NTM: variants seen among roughly 807,000 people sequenced by gnomAD.
The protein encoded by NTM is neurotrimin, also known as IgLON family member 2.
A neutral mutation model predicts 42.1 loss-of-function variants in NTM; 13 were observed. That is an observed-to-expected ratio of 0.31 (90% CI 0.20 to 0.49). NTM has a LOEUF of 0.49. Among genes scored for constraint, NTM ranks in the 20% least tolerant of loss-of-function variants. The pLI is 0.99. For missense variants in NTM, 373 were observed against 452.8 expected (o/e 0.82, Z 1.60); for synonymous variants, 187 against 179.2 (o/e 1.04, Z -0.35).
intron 1 of NTM, among the ~76,000 whole-genome samples, chr11:131,625,671 A>G (rs889836367): frequency 3.3e-5 from 5 of 152,206 alleles, no homozygotes; most frequent in Non-Finnish European, 5.9e-5. Context: ...CAGCATGCCA[A>G]TAAAGACACA....
chr11:132,054,212 C>T (rs1015881695), intron 2 of NTM, among the ~76,000 whole-genome samples: 2 of 152,144 alleles, frequency 1.3e-5, no homozygotes, highest in Non-Finnish European at 1.5e-5. Context: ...GAGACTGTCT[C>T]AAAGAAAAAC....
At chr11:132,164,559 G>A (rs760091200) in intron 3 of NTM, among the ~76,000 whole-genome samples, 5 of 152,160 alleles carry the variant, frequency 3.3e-5, no homozygotes, top group South Asian at 2.1e-4. Flanking sequence ...ACAAGTTGAC[G>A]TCACCTGTGG....
chr11:131,465,785 G>A (rs1193007688), intron 1 of NTM, among the ~76,000 whole-genome samples: 1 of 149,714 alleles, frequency 6.7e-6, no homozygotes, highest in Non-Finnish European at 1.5e-5. Context: ...CCCAAAGCTC[G>A]GTTCTGCAGG....
In NTM at chr11:131,729,009, G is replaced by C. The variant is rs144944437; in HGVS notation, c.83-182555G>C. Among the ~76,000 whole-genome samples the C allele has an allele frequency of 4.7e-4, 71 of 152,316 alleles. 1 individual carries two copies. The Middle Eastern group carries it at 0.01, about 22-fold the overall frequency. ...ATATGGTATAAGATAATGCATCATA[G>C]GGTTGAGATACAGTGTGTAATGATA... is the stretch of plus-strand genomic sequence containing the variant. On this transcript the variant is annotated intron_variant, in intron 1 of 8. Coordinates refer to ENST00000683400, the MANE Select transcript of NTM (RefSeq NM_001352005.2).
At chr11:132,194,991 T>G (rs1307401437) in intron 3 of NTM, among the ~76,000 whole-genome samples, 2 of 151,898 alleles carry the variant, frequency 1.3e-5, no homozygotes, top group African/African-American at 4.8e-5. Flanking sequence ...CCTGGCTAGT[T>G]TTTGTTCTTT....
chr11:131,838,702 G>A (rs1276239097), intron 1 of NTM, among the ~76,000 whole-genome samples: 2 of 122,548 alleles, frequency 1.6e-5, no homozygotes, highest in African/African-American at 3.3e-5. Context: ...AGAAGATATT[G>A]GAACTGGATA....
At chr11:131,932,169 C>G (rs1254045025) in intron 2 of NTM, among the ~76,000 whole-genome samples, 2 of 152,170 alleles carry the variant, frequency 1.3e-5, no homozygotes, top group Non-Finnish European at 2.9e-5. Context: ...TAATAAAATC[C>G]CTGTCCTCAC....
chr11:132,014,804 A>G (rs1205911349), intron 2 of NTM, among the ~76,000 whole-genome samples: 2 of 124,784 alleles, frequency 1.6e-5, no homozygotes, highest in African/African-American at 6.3e-5. Flanking sequence ...TCCTTATTGG[A>G]TAAATAGTTT....
In NTM at chr11:131,687,499, A is replaced by G. The variant is rs567197628; in HGVS notation, c.83-224065A>G. On this transcript the variant is annotated intron_variant, in intron 1 of 8. Transcript: ENST00000683400. Reference sequence around the variant, plus strand: ...ACCATCACCGGCCTGGCCCCAGGCTAGGGGCCTTCATGGGCGTCAGCGTGG... The same window carrying G: ...ACCATCACCGGCCTGGCCCCAGGCTGGGGGCCTTCATGGGCGTCAGCGTGG... Among the ~76,000 whole-genome samples, 355 of 152,280 alleles carry G rather than the reference A, an allele frequency of 2.3e-3. 2 individuals are homozygous for G. Among genetic ancestry groups the G allele is most frequent in the African/African-American group, 7.8e-3 (324 of 41,572 alleles).
chr11:132,321,172 C>T (rs757523623), intron 7 of NTM, among the ~76,000 whole-genome samples: 10 of 152,186 alleles, frequency 6.6e-5, no homozygotes, highest in South Asian at 2.1e-4. Flanking sequence ...CAAAGCTGGA[C>T]AGAGAATGAC....
At chr11:132,057,987 C>T (rs887610695) in intron 2 of NTM, among the ~76,000 whole-genome samples, 2 of 152,146 alleles carry the variant, frequency 1.3e-5, no homozygotes, top group African/African-American at 4.8e-5. Context: ...AACTCCTAGC[C>T]TTGTTCATGA....
intron 1 of NTM, among the ~76,000 whole-genome samples, chr11:131,524,243 T>G (rs1427657593): frequency 1.3e-5 from 2 of 152,186 alleles, no homozygotes; most frequent in Non-Finnish European, 2.9e-5. Context: ...CTCCTTCTTC[T>G]CTGTGGTGTC....
At chr11:132,301,171 A>G (rs2094837612) in intron 4 of NTM, among the ~76,000 whole-genome samples, 1 of 152,188 alleles carries the variant, frequency 6.6e-6, no homozygotes, top group African/African-American at 2.4e-5. Context: ...CAGAAGGGGA[A>G]ATAAACACGT....
chr11:132,188,732 C>T (rs1278114034), intron 3 of NTM, among the ~76,000 whole-genome samples: 1 of 152,166 alleles, frequency 6.6e-6, no homozygotes, highest in Non-Finnish European at 1.5e-5. Context: ...AACTGTATCT[C>T]ACAATTATTA....
chr11:131,667,998 C>T (rs1258679697), intron 1 of NTM, among the ~76,000 whole-genome samples: 7 of 152,186 alleles, frequency 4.6e-5, no homozygotes, highest in Admixed American at 6.5e-5. Context: ...GTGCCTTGTG[C>T]GGCTTGAGCT....
At chr11:131,385,838 G>A (rs1457140455) in intron 1 of NTM, among the ~76,000 whole-genome samples, 2 of 152,162 alleles carry the variant, frequency 1.3e-5, no homozygotes, top group South Asian at 2.1e-4. Context: ...AGCCTGCACA[G>A]CAGAGCAAGA....
chr11:131,378,155 T>C (rs1942210910), intron 1 of NTM, among the ~76,000 whole-genome samples: 1 of 152,232 alleles, frequency 6.6e-6, no homozygotes, highest in Admixed American at 6.5e-5. Context: ...CCTACACTGA[T>C]ATTTTTAAGA....
At chr11:131,917,603 T>C (rs1435931459) in intron 2 of NTM, among the ~76,000 whole-genome samples, 1 of 152,238 alleles carries the variant, frequency 6.6e-6, no homozygotes, top group Non-Finnish European at 1.5e-5. Context: ...AAAAGCACTC[T>C]GCTCATCCTT....
At chr11:131,981,980 C>A (rs923652491) in intron 2 of NTM, among the ~76,000 whole-genome samples, 5 of 151,894 alleles carry the variant, frequency 3.3e-5, no homozygotes, top group African/African-American at 9.7e-5. Context: ...CCACTGCACT[C>A]CAGCCTGGGT....
Sources: allele counts gnomAD v4.1 joint callset (sites outside exome capture counted in the v4.1 genomes callset), GRCh38; gene constraint gnomAD v4.1.1; transcripts MANE v1.5; gene names NCBI Gene and HGNC (gene_info 2026-07-23, HGNC 2026-07-21).